Variants in PCCA observed in about 807,000 individuals in gnomAD.
The protein encoded by PCCA is propionyl-CoA carboxylase subunit alpha, also known as propionyl-CoA carboxylase alpha chain, mitochondrial.
A neutral mutation model predicts 101.3 loss-of-function variants in PCCA; 74 were observed. That is an observed-to-expected ratio of 0.73 (90% CI 0.61 to 0.89). The LOEUF is 0.89. PCCA is among the 40% of genes least tolerant of loss of function. PCCA has a pLI of 0.00. For missense variants in PCCA, 891 were observed against 907.0 expected (o/e 0.98, Z 0.23); for synonymous variants, 294 against 313.6 (o/e 0.94, Z 0.66).
rs574640321 is a variant in PCCA at position 100,423,373 on chromosome 13, A to G, written c.1747-2260A>G. 1.5e-3 allele frequency among the ~76,000 whole-genome samples: 226 copies of G among 152,298 alleles called. 2 individuals carry two copies. Among genetic ancestry groups the G allele is most frequent in the African/African-American group, 5.2e-3 (215 of 41,562 alleles). ...ACATTCTCTACTTCTCCTTTGGCCT[A>G]TACTTCCATCTAGATTCCCTCCTTG... On this transcript the variant is annotated intron_variant, in intron 19 of 23. Coordinates refer to ENST00000376285, the MANE Select transcript of PCCA (RefSeq NM_000282.4).
In PCCA at chr13:100,428,185, GC is replaced by G. The variant is rs2079287464; in HGVS notation, c.1845+2460del. On this transcript the variant is annotated intron_variant, in intron 20 of 23. Transcript: ENST00000376285. ...AGGCTCCAGCGATCCTCCCACCTGAGCCCCCCAGGTAGCTGGGACTACAGGT... is the reference window on the plus strand; with the variant it reads ...AGGCTCCAGCGATCCTCCCACCTGAGCCCCCAGGTAGCTGGGACTACAGGT... 2.0e-5 allele frequency among the ~76,000 whole-genome samples: 3 copies of G among 152,004 alleles called. No homozygotes were observed. The South Asian group carries it at 6.2e-4, about 32-fold the overall frequency.
intron 23 of PCCA, among the ~76,000 whole-genome samples, chr13:100,528,669 C>G (rs59996814): frequency 2.2e-4 from 33 of 152,154 alleles, no homozygotes; most frequent in Non-Finnish European, 4.4e-4. Flanking sequence ...CCCAGCCCGC[C>G]GGTCTGGAGG....
chr13:100,181,563 C>T (rs1378610211), intron 6 of PCCA, among the ~76,000 whole-genome samples: 2 of 152,014 alleles, frequency 1.3e-5, no homozygotes, highest in African/African-American at 4.8e-5. Flanking sequence ...ACTGGGACTA[C>T]AGGCGTGCAC....
chr13:100,333,932 A>T (rs1449110607), intron 17 of PCCA, among the ~76,000 whole-genome samples: 2 of 152,248 alleles, frequency 1.3e-5, no homozygotes, highest in Non-Finnish European at 2.9e-5. Flanking sequence ...TAATTGATAT[A>T]GGCTCTAGAA....
intron 6 of PCCA, among the ~76,000 whole-genome samples, chr13:100,182,574 A>G (rs1371130094): frequency 1.3e-5 from 2 of 152,126 alleles, no homozygotes; most frequent in Non-Finnish European, 2.9e-5. Flanking sequence ...GCTAGCCTTG[A>G]AGACAGCACT....
At chr13:100,207,047 C>T (rs117008628) in intron 6 of PCCA, among the ~76,000 whole-genome samples, 2,144 of 152,304 alleles carry the variant, frequency 0.014, 20 homozygotes, top group Middle Eastern at 0.024. Context: ...ATGCAGGCTC[C>T]GGTGTCACGT....
intron 13 of PCCA, among the ~76,000 whole-genome samples, chr13:100,301,981 GC>G (rs1001505305): frequency 1.3e-5 from 2 of 151,960 alleles, no homozygotes; most frequent in Non-Finnish European, 1.5e-5. Flanking sequence ...TTAAAAAAAT[GC>G]CCACCTTGGG....
chr13:100,213,048 T>TTG (rs1013636935), intron 7 of PCCA, among the ~76,000 whole-genome samples: 2 of 152,140 alleles, frequency 1.3e-5, no homozygotes, highest in Non-Finnish European at 2.9e-5. Flanking sequence ...TCCATCTATG[T>TTG]TGTTGCAAGT....
chr13:100,465,421 A>T (rs1171855838), intron 21 of PCCA, among the ~76,000 whole-genome samples: 1 of 152,172 alleles, frequency 6.6e-6, no homozygotes, highest in Non-Finnish European at 1.5e-5. Flanking sequence ...ATACTTTTTT[A>T]AAATCAGGGA....
chr13:100,227,084 A>G (rs559123013), intron 7 of PCCA, among the ~76,000 whole-genome samples: 2 of 151,572 alleles, frequency 1.3e-5, no homozygotes, highest in East Asian at 3.9e-4. Flanking sequence ...GCTCACTGCA[A>G]CCTCCGCCTC....
intron 12 of PCCA, among the ~76,000 whole-genome samples, chr13:100,274,743 C>T (rs997410819): frequency 5.3e-5 from 8 of 152,162 alleles, no homozygotes; most frequent in African/African-American, 1.9e-4. Context: ...ATTCAGGACC[C>T]TTCCCATTTA....
rs140779508 is a variant in PCCA, at chr13:100,411,288, C to T, written c.1747-14345C>T. On this transcript the variant is annotated intron_variant, in intron 19 of 23. Transcript: ENST00000376285. ...TTGCCCAGGCTGGAGTGCAGTGGCACGATCTTGACTCACTGTTACCTCTGC... is the reference window on the plus strand; with the variant it reads ...TTGCCCAGGCTGGAGTGCAGTGGCATGATCTTGACTCACTGTTACCTCTGC... 6.0e-5 allele frequency among the ~76,000 whole-genome samples: 9 copies of T among 150,352 alleles called. No homozygotes were observed. In the South Asian group the frequency reaches 6.3e-4, roughly 11 times the overall value.
chr13:100,200,844 T>C (rs530352075), intron 6 of PCCA, among the ~76,000 whole-genome samples: 1 of 152,134 alleles, frequency 6.6e-6, no homozygotes, highest in South Asian at 2.1e-4. Context: ...AAGTCTACAT[T>C]TTATGTGAGA....
chr13:100,327,370 T>G (rs1786832929), intron 16 of PCCA, among the ~76,000 whole-genome samples: 3 of 152,274 alleles, frequency 2.0e-5, no homozygotes, highest in Non-Finnish European at 4.4e-5. Context: ...CATAATTATT[T>G]TTAGGTTTAT....
chr13:100,298,904 C>G (rs2065847446), intron 12 of PCCA, among the ~76,000 whole-genome samples: 1 of 151,550 alleles, frequency 6.6e-6, no homozygotes, highest in South Asian at 2.1e-4. Context: ...GGTAATAACA[C>G]AGTCTAAAGG....
chr13:100,282,708 G>A (rs2064236751), intron 12 of PCCA, among the ~76,000 whole-genome samples: 2 of 152,194 alleles, frequency 1.3e-5, no homozygotes, highest in African/African-American at 2.4e-5. Context: ...ATACTATCCT[G>A]CAGCTTGACC....
At chr13:100,217,783 G>T (rs1433213158) in intron 7 of PCCA, among the ~76,000 whole-genome samples, 1 of 146,220 alleles carries the variant, frequency 6.8e-6, no homozygotes, top group Non-Finnish European at 1.5e-5. Context: ...AGAACCCTGG[G>T]GGCGGAGGTT....
intron 8 of PCCA, among the ~76,000 whole-genome samples, chr13:100,248,091 G>A (rs2061549597): frequency 6.6e-6 from 1 of 152,050 alleles, no homozygotes; most frequent in Non-Finnish European, 1.5e-5. Context: ...TCTCTTGTAA[G>A]TGCACATCTA....
intron 19 of PCCA, among the ~76,000 whole-genome samples, chr13:100,420,648 A>G (rs1178862919): frequency 6.6e-6 from 1 of 152,184 alleles, no homozygotes; most frequent in African/African-American, 2.4e-5. Flanking sequence ...AGAATTATAG[A>G]TGTAGCAGAG....
Sources: gnomAD v4.1 joint callset for allele counts (sites outside exome capture counted in the v4.1 genomes callset) on GRCh38, gnomAD v4.1.1 for gene constraint, MANE v1.5 for transcripts, NCBI Gene and HGNC (gene_info 2026-07-23, HGNC 2026-07-21) for gene names.